Variants in GMDS observed in about 807,000 individuals in gnomAD.
GMDS encodes GDP-mannose 4,6 dehydratase.
GMDS carries 20 observed loss-of-function variants against 49.9 expected under a neutral mutation model. The observed-to-expected ratio is 0.40, with a 90% CI of 0.28 to 0.58. GMDS has a LOEUF of 0.58. Ranked by LOEUF, GMDS falls within the 20% of genes least tolerant of loss-of-function variation. The pLI is 0.42. For synonymous variants in GMDS, 177 were observed against 178.6 expected, an observed-to-expected ratio of 0.99 and a Z score of 0.07; for missense variants, 362 against 481.4, an observed-to-expected ratio of 0.75 and a Z score of 2.32.
chr6:2,033,182 T>C (rs1220943672), intron 4 of GMDS, among the ~76,000 whole-genome samples: 1 of 152,180 alleles, frequency 6.6e-6, no homozygotes, highest in African/African-American at 2.4e-5. Flanking sequence ...AATGAAATAA[T>C]AATTGCATAA....
intron 9 of GMDS, among the ~76,000 whole-genome samples, chr6:1,702,418 T>C (rs1163081015): frequency 2.0e-5 from 3 of 152,252 alleles, no homozygotes; most frequent in African/African-American, 7.2e-5. Context: ...ATTTAAGAGC[T>C]TGATGTGCAG....
rs2504720 is a variant in GMDS, at chr6:1,939,201, T to C, written c.644-8971A>G. Among the ~76,000 whole-genome samples, 952 of 152,232 alleles carry C rather than the reference T, an allele frequency of 6.3e-3. 8 individuals are homozygous for C. The highest frequency in any genetic ancestry group is 0.021 in the African/African-American group (892 of 41,512). On this transcript the variant is annotated intron_variant, in intron 6 of 10. Coordinates refer to ENST00000380815, the MANE Select transcript of GMDS (RefSeq NM_001500.4). ...GTATCTGAAGTTTTGGGGGGACTTA[T>C]TTATTACTTGTTATTTATGCTGACT...
intron 1 of GMDS, among the ~76,000 whole-genome samples, chr6:2,219,790 G>A (rs1780500492): frequency 2.0e-5 from 3 of 152,116 alleles, no homozygotes; most frequent in African/African-American, 7.2e-5. Context: ...GAGCAGCCGG[G>A]TCACTTCCGT....
intron 7 of GMDS, among the ~76,000 whole-genome samples, chr6:1,846,070 C>T (rs1251661901): frequency 6.7e-6 from 1 of 149,396 alleles, no homozygotes; most frequent in Non-Finnish European, 1.5e-5. Flanking sequence ...CAGGGCCAGA[C>T]ACCATGTTTC....
At chr6:1,748,030 T>G (rs980355227) in intron 7 of GMDS, among the ~76,000 whole-genome samples, 3 of 152,230 alleles carry the variant, frequency 2.0e-5, no homozygotes, top group African/African-American at 7.2e-5. Flanking sequence ...CTTTCTTTGC[T>G]AACATATCAT....
At chr6:1,759,896 C>A (rs1768093953) in intron 7 of GMDS, among the ~76,000 whole-genome samples, 1 of 152,162 alleles carries the variant, frequency 6.6e-6, no homozygotes, top group East Asian at 1.9e-4. Context: ...CTACTGCGCC[C>A]CAGCCCCCCA....
chr6:1,758,824 A>T (rs928020380), intron 7 of GMDS, among the ~76,000 whole-genome samples: 10 of 152,206 alleles, frequency 6.6e-5, no homozygotes, highest in Admixed American at 1.3e-4. Flanking sequence ...TAATCCCAGC[A>T]CTTTGGGAAG....
chr6:2,190,999 G>A lies in GMDS; in HGVS notation c.102+54322C>T, dbSNP rs146990545. 5.1e-3 allele frequency among the ~76,000 whole-genome samples: 779 copies of A among 152,292 alleles called. 7 individuals are homozygous for A. Among genetic ancestry groups the A allele is most frequent in the African/African-American group, 0.018 (754 of 41,574 alleles). Reference sequence around the variant, plus strand: ...ACCACTCTCACCCACAACTGCTGCGGGGAGGGCACCAGGAGGAGGCAGCAC... The same window carrying A: ...ACCACTCTCACCCACAACTGCTGCGAGGAGGGCACCAGGAGGAGGCAGCAC... On this transcript the variant is annotated intron_variant, in intron 1 of 10. Transcript: ENST00000380815.
intron 1 of GMDS, among the ~76,000 whole-genome samples, chr6:2,184,244 A>C (rs1237815352): frequency 6.6e-6 from 1 of 152,080 alleles, no homozygotes; most frequent in Non-Finnish European, 1.5e-5. Context: ...ATTTTCTTTC[A>C]CTATTGGCTC....
chr6:1,672,615 G>C (rs79310074), intron 9 of GMDS, among the ~76,000 whole-genome samples: 4,243 of 152,312 alleles, frequency 0.028, 183 homozygotes, highest in African/African-American at 0.096. Flanking sequence ...AGGATTCCAA[G>C]AAATGGCAGA....
Position 1,858,965 on chromosome 6 carries a change from T to G in GMDS, c.771+71138A>C, listed in dbSNP as rs1467909438. ...GTATCTCAGTGCTTTTTTTGTGTTT[T>G]GGGGGGGGCAGGCACTTAACTGAGA... On this transcript the variant is annotated intron_variant, in intron 7 of 10. Coordinates refer to ENST00000380815, the MANE Select transcript of GMDS (RefSeq NM_001500.4). Among the ~76,000 whole-genome samples the G allele has an allele frequency of 3.3e-5, 5 of 151,608 alleles. 1 individual carries two copies. Among genetic ancestry groups the G allele is most frequent in the South Asian group, 2.1e-4 (1 of 4,790 alleles).
intron 7 of GMDS, among the ~76,000 whole-genome samples, chr6:1,841,649 C>T (rs1276096943): frequency 1.3e-5 from 2 of 152,096 alleles, no homozygotes; most frequent in Non-Finnish European, 2.9e-5. Flanking sequence ...GCACATATAT[C>T]CCTATTTTTG....
intron 4 of GMDS, among the ~76,000 whole-genome samples, chr6:2,027,366 T>G (rs1768667287): frequency 1.3e-5 from 2 of 152,184 alleles, no homozygotes; most frequent in African/African-American, 2.4e-5. Flanking sequence ...ACCCAGGGCT[T>G]AATTAATATT....
At chr6:1,694,612 C>T (rs1424350136) in intron 9 of GMDS, among the ~76,000 whole-genome samples, 29 of 152,188 alleles carry the variant, frequency 1.9e-4, no homozygotes. Flanking sequence ...CACACGTCTG[C>T]ACACATGTAT....
chr6:2,140,868 T>TTGGAAGATAAAACA (rs1776249120), intron 1 of GMDS, among the ~76,000 whole-genome samples: 1 of 152,102 alleles, frequency 6.6e-6, no homozygotes, highest in African/African-American at 2.4e-5. Context: ...ATGCATTGCT[T>TTGGAAGATAAAACA]TGGAAGATAA....
At chr6:1,972,361 A>G (rs550797114) in intron 4 of GMDS, among the ~76,000 whole-genome samples, 1 of 151,364 alleles carries the variant, frequency 6.6e-6, no homozygotes, top group South Asian at 2.1e-4. Flanking sequence ...GTCATTTTAC[A>G]GTTTATCAGC....
At chr6:1,947,258 T>C (rs1015805499) in intron 6 of GMDS, among the ~76,000 whole-genome samples, 24 of 152,232 alleles carry the variant, frequency 1.6e-4, no homozygotes, top group African/African-American at 5.1e-4. Context: ...ATGCTGGTAC[T>C]AAGGTTCTCA....
At chr6:1,939,124 T>C (rs941736140) in intron 6 of GMDS, among the ~76,000 whole-genome samples, 1 of 152,146 alleles carries the variant, frequency 6.6e-6, no homozygotes, top group Non-Finnish European at 1.5e-5. Context: ...TGATTTGACA[T>C]CTTTATTTAC....
intron 4 of GMDS, among the ~76,000 whole-genome samples, chr6:2,064,892 A>G (rs1221052540): frequency 5.3e-5 from 8 of 152,180 alleles, no homozygotes; most frequent in Admixed American, 5.2e-4. Flanking sequence ...CAATAACCCA[A>G]TAGTACTGTT....
Sources: allele counts gnomAD v4.1 joint callset (sites outside exome capture counted in the v4.1 genomes callset), GRCh38; gene constraint gnomAD v4.1.1; transcripts MANE v1.5; gene names NCBI Gene and HGNC (gene_info 2026-07-23, HGNC 2026-07-21).